Variants in DROSHA observed in about 807,000 individuals in gnomAD.
DROSHA encodes drosha ribonuclease III, also known as ribonuclease 3.
A neutral mutation model predicts 181.9 loss-of-function variants in DROSHA; 56 were observed. The ratio of observed to expected loss-of-function variants is 0.31; its 90% CI spans 0.25 to 0.38. The LOEUF is 0.38. DROSHA is among the 10% of genes least tolerant of loss of function. DROSHA has a pLI of 1.00. For synonymous variants in DROSHA, 524 were observed against 591.2 expected, an observed-to-expected ratio of 0.89 and a Z score of 1.65; for missense variants, 1,218 against 1,743.5, an observed-to-expected ratio of 0.70 and a Z score of 5.37.
chr5:31,470,390 GT>G lies in DROSHA; in HGVS notation c.2241+1672del, dbSNP rs1749593677. ...CATCAAAGACTCCTTTCATATGTTA[GT>G]GGTCTTTGGGTTTTCACCTGGGCAA... On this transcript the variant is annotated intron_variant, in intron 17 of 35. Coordinates refer to ENST00000344624, the MANE Select transcript of DROSHA (RefSeq NM_001382508.1). The surrounding 1 kb of genome is among the most constrained non-coding windows in gnomAD (Gnocchi z 4.0). Among the ~76,000 whole-genome samples, 1 of 152,164 alleles carries G rather than the reference GT, an allele frequency of 6.6e-6. No homozygotes were observed. Among genetic ancestry groups the G allele is most frequent in the South Asian group, 2.1e-4 (1 of 4,828 alleles).
chr5:31,498,148 G>A (rs1753196831), intron 11 of DROSHA, among the ~76,000 whole-genome samples: 2 of 152,188 alleles, frequency 1.3e-5, no homozygotes. Context: ...AAATCTCCAG[G>A]CTAGGTTGTA....
intron 23 of DROSHA, among the ~76,000 whole-genome samples, chr5:31,447,192 A>G (rs1339155105): frequency 6.6e-6 from 1 of 152,196 alleles, no homozygotes; most frequent in African/African-American, 2.4e-5. Context: ...CACAGGTTAC[A>G]TGGACACATA....
chr5:31,464,090 A>G lies in DROSHA; in HGVS notation c.2574+146T>C. 4.1e-6 allele frequency: 3 copies of G among 734,048 alleles called. No individual in the cohort carries two copies. In the South Asian group the frequency reaches 5.8e-5, roughly 14 times the overall value. 45.5% of individuals were successfully genotyped at this position (734,048 alleles called of 1,614,324 possible). ...AGACAACAAAAACAAAATCCAAATA[A>G]TAGAAAACAATTTATAGTTGATATT... On this transcript the variant is annotated intron_variant, in intron 20 of 35. Coordinates refer to ENST00000344624, the MANE Select transcript of DROSHA (RefSeq NM_001382508.1).
intron 20 of DROSHA, among the ~76,000 whole-genome samples, chr5:31,455,161 A>T (rs79188736): frequency 1.3e-5 from 2 of 152,192 alleles, no homozygotes; most frequent in Non-Finnish European, 2.9e-5. Flanking sequence ...ACAAGAAGGA[A>T]CACAAAATCA....
intron 18 of DROSHA, among the ~76,000 whole-genome samples, chr5:31,466,856 T>C (rs1246825961): frequency 6.6e-6 from 1 of 152,198 alleles, no homozygotes; most frequent in Non-Finnish European, 1.5e-5. Flanking sequence ...ATAAGCATAT[T>C]TGTTGCAGCC....
At chr5:31,422,597 G>A (rs1467170688) in intron 29 of DROSHA, among the ~76,000 whole-genome samples, 190 bp downstream of exon 29, 4 of 152,176 alleles carry the variant, frequency 2.6e-5, no homozygotes, top group African/African-American at 9.7e-5. Context: ...GCATGACAAT[G>A]GAACCAACAA....
rs555714554 is a variant in DROSHA at position 31,484,705 on chromosome 5, T to C, written c.1996+176A>G. On this transcript the variant is annotated intron_variant, in intron 15 of 35. Transcript: ENST00000344624. ...GTCAAACTGTATAAAGTAAAATCCA[T>C]AGAAACTTATTCATGTCAAATGATA... Among the ~76,000 whole-genome samples the C allele has an allele frequency of 4.9e-4, 74 of 152,302 alleles. No homozygotes were observed. In the Middle Eastern group the frequency reaches 0.01, roughly 21 times the overall value.
At chr5:31,433,677 C>A (rs912620543) in intron 25 of DROSHA, among the ~76,000 whole-genome samples, 19 of 151,984 alleles carry the variant, frequency 1.3e-4, no homozygotes, top group Non-Finnish European at 1.9e-4. Context: ...CCCGAGTAGC[C>A]GGGACTACAG....
At chr5:31,435,738 T>C (rs1430952524) in intron 25 of DROSHA, 27 bp downstream of exon 25, 4 of 1,603,272 alleles carry the variant, frequency 2.5e-6, no homozygotes, top group African/African-American at 2.7e-5. Flanking sequence ...CAGACGTAAC[T>C]ACAAATGCTG....
intron 27 of DROSHA, among the ~76,000 whole-genome samples, chr5:31,426,735 G>T (rs572940645): frequency 1.3e-5 from 2 of 152,226 alleles, no homozygotes; most frequent in South Asian, 4.2e-4. Context: ...TAAATGCTAC[G>T]TTATGTAGTA....
chr5:31,446,793 A>G (rs954277035), intron 23 of DROSHA, among the ~76,000 whole-genome samples: 3 of 152,112 alleles, frequency 2.0e-5, no homozygotes, highest in African/African-American at 7.2e-5. Flanking sequence ...TAATCCCAGC[A>G]CTTTGGGAGC....
At chr5:31,407,453 C>T (rs771027127) in intron 33 of DROSHA, among the ~76,000 whole-genome samples, 2 of 152,170 alleles carry the variant, frequency 1.3e-5, no homozygotes, top group Non-Finnish European at 2.9e-5. Flanking sequence ...TCTGAAACAT[C>T]TGAGATCACT....
In DROSHA at chr5:31,455,641, C is replaced by CTT. The variant is rs57423740; in HGVS notation, c.2575-4003_2575-4002dup. On this transcript the variant is annotated intron_variant, in intron 20 of 35. Transcript: ENST00000344624. Reference sequence around the variant, plus strand: ...CACTTAAACTCATATTGTTATCACACTTTTTTTTTTTTTTTTTGAGACGGG... The same window carrying CTT: ...CACTTAAACTCATATTGTTATCACACTTTTTTTTTTTTTTTTTTTGAGACGGG... 1.7e-3 allele frequency among the ~76,000 whole-genome samples: 230 copies of CTT among 139,334 alleles called. 1 individual carries two copies. Among genetic ancestry groups the CTT allele is most frequent in the African/African-American group, 5.8e-3 (220 of 38,136 alleles). 91.4% of individuals were successfully genotyped at this position (139,334 alleles called of 152,430 possible).
intron 13 of DROSHA, 35 bp from the exon 14 acceptor site, chr5:31,486,597 C>A (rs745952243): frequency 6.3e-7 from 1 of 1,590,858 alleles, no homozygotes; most frequent in Admixed American, 1.7e-5. Flanking sequence ...AGTTCCCCAA[C>A]GTCTCCCTGC....
chr5:31,526,524 G>A lies in DROSHA; in HGVS notation c.409C>T (p.Pro137Ser), dbSNP rs1269978298. 6.4e-7 allele frequency: 1 copy of A among 1,574,246 alleles called. No individual in the cohort carries two copies. Among genetic ancestry groups the A allele is most frequent in the East Asian group, 2.2e-5 (1 of 44,570 alleles). ...PNNPPVPGAP[P>S]GQGTFPFMMP... ...ATGAAGGGGAAAGTGCCTTGTCCAG[G>A]AGGTGCCCCAGGGACTGGGGGGTTA... The change falls in exon 5 of 36, where the codon CCT becomes TCT. Residue 137 changes from proline to serine, a missense_variant. Coordinates refer to ENST00000344624, the MANE Select transcript of DROSHA (RefSeq NM_001382508.1).
intron 11 of DROSHA, among the ~76,000 whole-genome samples, chr5:31,498,596 G>A (rs1753256005): frequency 6.6e-6 from 1 of 152,140 alleles, no homozygotes; most frequent in South Asian, 2.1e-4. Flanking sequence ...GGTGGCTCAT[G>A]CCTGTAATCC....
intron 23 of DROSHA, among the ~76,000 whole-genome samples, chr5:31,443,036 C>T (rs1005011545): frequency 2.0e-5 from 3 of 151,236 alleles, no homozygotes; most frequent in East Asian, 2.0e-4. Context: ...TCTGTTGGTC[C>T]GATAGATTTT....
intron 23 of DROSHA, among the ~76,000 whole-genome samples, chr5:31,444,353 A>T (rs1746004912): frequency 6.6e-6 from 1 of 152,174 alleles, no homozygotes; most frequent in South Asian, 2.1e-4. Flanking sequence ...CAAGCAGCAA[A>T]GGCCAAATGT....
At chr5:31,449,234 C>T in intron 22 of DROSHA, 47 bp downstream of exon 22, 1 of 1,602,724 alleles carries the variant, frequency 6.2e-7, no homozygotes, top group African/African-American at 1.3e-5. Context: ...CAACAGAAAA[C>T]ACAGGCCAAA....
Sources: gnomAD v4.1 joint callset for allele counts (sites outside exome capture counted in the v4.1 genomes callset) on GRCh38, gnomAD v4.1.1 for gene constraint, Gnocchi (gnomAD v3.1) non-coding constraint, MANE v1.5 for transcripts, NCBI Gene and HGNC (gene_info 2026-07-23, HGNC 2026-07-21) for gene names.